CCSER2: variants seen among roughly 807,000 people sequenced by gnomAD.
CCSER2 encodes the protein serine-rich coiled-coil domain-containing protein 2.
Under a neutral mutation model 92.3 loss-of-function variants are expected in CCSER2, and 46 were observed. The ratio of observed to expected loss-of-function variants is 0.50; its 90% CI spans 0.39 to 0.64. The LOEUF (loss-of-function observed/expected upper bound fraction) is 0.64. CCSER2 is among the 30% of genes least tolerant of loss of function. CCSER2 has a pLI of 0.00. For missense variants in CCSER2, 1,244 were observed against 1,238.9 expected (o/e 1.00, Z -0.06); for synonymous variants, 433 against 431.4 (o/e 1.00, Z -0.04).
At position 84,371,827 on chromosome 10, in the gene CCSER2, C is replaced by CT; in HGVS notation, c.776dup (p.Ser260IlefsTer3). 6.2e-7 allele frequency: 1 copy of CT among 1,613,952 alleles called. No homozygotes were observed. Among genetic ancestry groups the CT allele is most frequent in the Non-Finnish European group, 8.5e-7 (1 of 1,179,900 alleles). On this transcript the variant is annotated frameshift_variant, in exon 2 of 10. Coordinates refer to ENST00000372088, the MANE Select transcript of CCSER2 (RefSeq NM_001284240.2). LOFTEE classifies it high-confidence loss of function. Reference sequence around the variant, plus strand: ...TACAAAGCCTTATCAGAACCAACAGCTATCCATTAGAGTGCCTCTACGGTC... The same window carrying CT: ...TACAAAGCCTTATCAGAACCAACAGCTTATCCATTAGAGTGCCTCTACGGTC...
intron 9 of CCSER2, among the ~76,000 whole-genome samples, chr10:84,510,004 G>A (rs1011463326): frequency 2.6e-5 from 4 of 152,116 alleles, no homozygotes; most frequent in African/African-American, 9.7e-5. Flanking sequence ...TTCCACTGGA[G>A]TGATCATTCT....
intron 1 of CCSER2, among the ~76,000 whole-genome samples, chr10:84,356,348 T>G (rs981339474): frequency 2.0e-5 from 3 of 152,196 alleles, no homozygotes; most frequent in Non-Finnish European, 2.9e-5. Flanking sequence ...GTTAACTATT[T>G]TAAGGATTTT....
intron 1 of CCSER2, among the ~76,000 whole-genome samples, chr10:84,354,140 G>C (rs186284190): frequency 6.6e-6 from 1 of 152,056 alleles, no homozygotes; most frequent in East Asian, 1.9e-4. Flanking sequence ...TCGAGGCTGC[G>C]GTGAGCTGTG....
At chr10:84,463,790 A>G (rs897279172) in intron 6 of CCSER2, 143 bp from the exon 7 acceptor site, 12 of 579,740 alleles carry the variant, frequency 2.1e-5, no homozygotes, top group African/African-American at 1.9e-4. Flanking sequence ...GAAGATTTCT[A>G]AAATTTTGTC....
chr10:84,474,949 G>A (rs930008975), intron 8 of CCSER2, among the ~76,000 whole-genome samples: 1 of 152,166 alleles, frequency 6.6e-6, no homozygotes, highest in East Asian at 1.9e-4. Context: ...TTTCTTATTG[G>A]TCATTTGGCT....
At chr10:84,441,780 A>G (rs1196511782) in intron 6 of CCSER2, among the ~76,000 whole-genome samples, 1 of 92,828 alleles carries the variant, frequency 1.1e-5, no homozygotes. Flanking sequence ...TTTTTTTGAG[A>G]CGAAGTCTCG....
chr10:84,430,577 G>A (rs1333609175), intron 5 of CCSER2, among the ~76,000 whole-genome samples: 1 of 152,142 alleles, frequency 6.6e-6, no homozygotes, highest in Admixed American at 6.5e-5. Flanking sequence ...GCAGTTCTTT[G>A]GGAGTGGTGC....
chr10:84,513,079 A>C lies in CCSER2; in HGVS notation c.2326-370A>C, dbSNP rs17103558. ...TTCCGAAGGTCACCGTTAACACCTGAATGTTTTGTGGAGGTTAAACCAAAA... is the reference window on the plus strand; with the variant it reads ...TTCCGAAGGTCACCGTTAACACCTGCATGTTTTGTGGAGGTTAAACCAAAA... On this transcript the variant is annotated intron_variant, in intron 9 of 9. Transcript: ENST00000372088. Among the ~76,000 whole-genome samples the C allele has an allele frequency of 9.1e-4, 138 of 152,220 alleles. 3 individuals carry two copies. In the East Asian group the frequency reaches 0.025, roughly 28 times the overall value.
At chr10:84,508,082 T>C (rs543726563) in intron 9 of CCSER2, among the ~76,000 whole-genome samples, 1 of 152,352 alleles carries the variant, frequency 6.6e-6, no homozygotes, top group Non-Finnish European at 1.5e-5. Context: ...AATATTAAAT[T>C]TTAGTGCTGT....
intron 3 of CCSER2, among the ~76,000 whole-genome samples, chr10:84,395,138 C>A (rs1841757958): frequency 6.6e-6 from 1 of 150,526 alleles, no homozygotes; most frequent in African/African-American, 2.4e-5. Context: ...GTGGGACGAT[C>A]ACTTGAGTCC....
chr10:84,357,652 G>A (rs1025568301), intron 1 of CCSER2, among the ~76,000 whole-genome samples: 24 of 152,144 alleles, frequency 1.6e-4, no homozygotes, highest in African/African-American at 3.9e-4. Flanking sequence ...GGGTTTCACC[G>A]TGTTAGCCAG....
At chr10:84,458,009 AAGG>A (rs963885199) in intron 6 of CCSER2, among the ~76,000 whole-genome samples, 2 of 151,946 alleles carry the variant, frequency 1.3e-5, no homozygotes, top group Non-Finnish European at 2.9e-5. Context: ...GGCCTCCCAA[AAGG>A]CTGGGATTAC....
intron 9 of CCSER2, among the ~76,000 whole-genome samples, chr10:84,497,439 G>C (rs1848512835): frequency 6.6e-6 from 1 of 152,180 alleles, no homozygotes; most frequent in South Asian, 2.1e-4. Context: ...ATTTCACAAG[G>C]TTGTCTTTCC....
At chr10:84,476,998 T>G (rs1037174052) in intron 8 of CCSER2, among the ~76,000 whole-genome samples, 2 of 152,172 alleles carry the variant, frequency 1.3e-5, no homozygotes, top group Non-Finnish European at 2.9e-5. Context: ...ACAAGTGGAC[T>G]GGTGGTATTC....
chr10:84,344,420 A>G (rs1364177184), intron 1 of CCSER2, among the ~76,000 whole-genome samples: 1 of 150,772 alleles, frequency 6.6e-6, no homozygotes, highest in South Asian at 2.1e-4. Flanking sequence ...TCTTTTGAAT[A>G]TATGTTTCTT....
At chr10:84,426,137 C>T (rs1356292893) in intron 5 of CCSER2, among the ~76,000 whole-genome samples, 2 of 152,010 alleles carry the variant, frequency 1.3e-5, no homozygotes, top group East Asian at 3.8e-4. Context: ...GCTTTTTGGA[C>T]TTCAAGTTAT....
chr10:84,331,346 G>A (rs1193586213), intron 1 of CCSER2, among the ~76,000 whole-genome samples: 2 of 152,106 alleles, frequency 1.3e-5, no homozygotes, highest in Admixed American at 1.3e-4. Context: ...GAACCCTTGT[G>A]GCTGAGAAAC....
intron 5 of CCSER2, among the ~76,000 whole-genome samples, chr10:84,436,152 C>T (rs991792639): frequency 3.6e-5 from 5 of 139,272 alleles, no homozygotes; most frequent in African/African-American, 1.1e-4. Context: ...TGGTGAAACC[C>T]CCGTCTCTAC....
intron 3 of CCSER2, among the ~76,000 whole-genome samples, chr10:84,387,763 C>A (rs1326151185): frequency 6.6e-6 from 1 of 152,106 alleles, no homozygotes; most frequent in Non-Finnish European, 1.5e-5. Flanking sequence ...CTCCTGACTT[C>A]GTGATCCGCC....
Sources: allele counts gnomAD v4.1 joint callset (sites outside exome capture counted in the v4.1 genomes callset), GRCh38; gene constraint gnomAD v4.1.1; transcripts MANE v1.5; gene names NCBI Gene and HGNC (gene_info 2026-07-23, HGNC 2026-07-21).